NCOA2: variants seen among roughly 807,000 people sequenced by gnomAD.
NCOA2 encodes nuclear receptor coactivator 2.
In NCOA2, 21 loss-of-function variants were observed where a neutral mutation model predicts 145.1. The observed-to-expected ratio is 0.14, with a 90% CI of 0.10 to 0.21. The LOEUF is 0.21. Ranked by LOEUF, NCOA2 falls within the 10% of genes least tolerant of loss-of-function variation. The pLI is 1.00. For missense variants in NCOA2, 1,472 were observed against 1,837.6 expected (o/e 0.80, Z 3.64); for synonymous variants, 619 against 637.5 (o/e 0.97, Z 0.44).
intron 1 of NCOA2, among the ~76,000 whole-genome samples, chr8:70,374,483 A>G (rs545670033): frequency 1.3e-5 from 2 of 152,032 alleles, no homozygotes; most frequent in Admixed American, 6.5e-5. Context: ...AAAAAAAAAA[A>G]AAAGAAAAAA....
intron 4 of NCOA2, among the ~76,000 whole-genome samples, chr8:70,189,616 G>GT (rs1816464651): frequency 2.0e-5 from 3 of 152,122 alleles, no homozygotes; most frequent in Non-Finnish European, 4.4e-5. Flanking sequence ...ATTTTCATTT[G>GT]TAATTTTGTT....
At chr8:70,143,175 C>T (rs555613619) in intron 13 of NCOA2, among the ~76,000 whole-genome samples, 1 of 152,144 alleles carries the variant, frequency 6.6e-6, no homozygotes, top group Non-Finnish European at 1.5e-5. Context: ...GTCTCGAACT[C>T]CTGACCTTGT....
intron 10 of NCOA2, among the ~76,000 whole-genome samples, chr8:70,159,242 A>ATATATATATTTTTTT: frequency 9.8e-5 from 6 of 61,078 alleles, no homozygotes; most frequent in African/African-American, 2.2e-4. Flanking sequence ...ATATATATAT[A>ATATATATATTTTTTT]TTTTTTTTTT....
the NCOA2 span, among the ~76,000 whole-genome samples, chr8:70,417,403 G>A: frequency 6.6e-6 from 1 of 151,850 alleles, no homozygotes; most frequent in South Asian, 2.1e-4. Context: ...ACAAAAATTT[G>A]TCAGGCATGG....
chr8:70,239,832 G>T (rs568069840), intron 2 of NCOA2, among the ~76,000 whole-genome samples: 1 of 152,264 alleles, frequency 6.6e-6, no homozygotes, highest in South Asian at 2.1e-4. Flanking sequence ...AAGAAGAAAT[G>T]AATGAGCCAA....
At chr8:70,154,533 T>C (rs1236562078) in intron 11 of NCOA2, among the ~76,000 whole-genome samples, 2 of 152,130 alleles carry the variant, frequency 1.3e-5, no homozygotes, top group South Asian at 2.1e-4. Flanking sequence ...GCCTCCTGAG[T>C]AGCTGAGACT....
chr8:70,174,623 C>T, intron 5 of NCOA2, 133 bp downstream of exon 5: 1 of 764,340 alleles, frequency 1.3e-6, no homozygotes, highest in Non-Finnish European at 2.2e-6. Flanking sequence ...ACAGGCATAT[C>T]AGCAAGCTCA....
intron 4 of NCOA2, among the ~76,000 whole-genome samples, chr8:70,192,019 G>A (rs1816749166): frequency 6.6e-6 from 1 of 152,154 alleles, no homozygotes; most frequent in Non-Finnish European, 1.5e-5. Context: ...TCCAGCCTGG[G>A]CGAGAGAGTG....
chr8:70,151,025 T>G (rs1811681473), intron 11 of NCOA2, among the ~76,000 whole-genome samples: 1 of 152,180 alleles, frequency 6.6e-6, no homozygotes, highest in African/African-American at 2.4e-5. Context: ...TACTACAATG[T>G]TGTCCTGTGT....
intron 2 of NCOA2, among the ~76,000 whole-genome samples, chr8:70,294,269 A>G (rs1290895236): frequency 6.6e-6 from 1 of 152,170 alleles, no homozygotes; most frequent in East Asian, 1.9e-4. Flanking sequence ...AAGTAATTCT[A>G]TAGTCACTAT....
chr8:70,321,152 T>C (rs1806019384), intron 1 of NCOA2, among the ~76,000 whole-genome samples: 1 of 152,188 alleles, frequency 6.6e-6, no homozygotes, highest in Non-Finnish European at 1.5e-5. Flanking sequence ...TTCTATTGTT[T>C]TGCATTTTGA....
At chr8:70,266,556 T>C (rs1824612566) in intron 2 of NCOA2, among the ~76,000 whole-genome samples, 1 of 152,210 alleles carries the variant, frequency 6.6e-6, no homozygotes, top group Non-Finnish European at 1.5e-5. Flanking sequence ...AAGCCCTGCA[T>C]GGGCTTTGCT....
chr8:70,256,568 A>C (rs962160389), intron 2 of NCOA2, among the ~76,000 whole-genome samples: 25 of 152,234 alleles, frequency 1.6e-4, no homozygotes, highest in African/African-American at 5.3e-4. Context: ...CTGAAGAGAA[A>C]GAAAAAAGCA....
intron 1 of NCOA2, among the ~76,000 whole-genome samples, chr8:70,397,754 CATT>C (rs1164568516): frequency 6.6e-6 from 1 of 152,196 alleles, no homozygotes; most frequent in African/African-American, 2.4e-5. Flanking sequence ...TTCATACCTT[CATT>C]ACATGAAATC....
At chr8:70,218,408 A>G (rs1036885329) in intron 2 of NCOA2, among the ~76,000 whole-genome samples, 6 of 152,050 alleles carry the variant, frequency 3.9e-5, no homozygotes, top group African/African-American at 1.4e-4. Flanking sequence ...TTTTGGCCTG[A>G]TAATAAGTAT....
At chr8:70,401,885 C>A (rs1814286153) in intron 1 of NCOA2, 1 of 152,248 alleles carries the variant, frequency 6.6e-6, no homozygotes, top group Admixed American at 6.5e-5. Context: ...TGAGTTACTG[C>A]CACATCCTAA....
rs542006455 is a variant in NCOA2, at chr8:70,143,004, C to T, written c.2813-1605G>A. The stretch of plus-strand genomic sequence containing the variant: ...TCACTCTGTTGCCCAGGCTGGAGTG[C>T]AGTGGTATGATCTCGGCTCACTACA... On this transcript the variant is annotated intron_variant, in intron 13 of 22. Coordinates refer to ENST00000452400, the MANE Select transcript of NCOA2 (RefSeq NM_006540.4). Among the ~76,000 whole-genome samples the T allele has an allele frequency of 4.0e-5, 6 of 150,546 alleles. No individual in the cohort carries two copies. In the South Asian group the frequency reaches 1.3e-3, roughly 32 times the overall value.
rs747852487 is a variant in NCOA2 at position 70,141,315 on chromosome 8, G to T, written c.2897C>A (p.Ala966Asp). The T allele has an allele frequency of 6.2e-7, 1 of 1,613,906 alleles. No individual in the cohort carries two copies. The highest frequency in any genetic ancestry group is 1.7e-5 in the Admixed American group (1 of 60,014). ...CCGGTTCATGGCACTGGTGGTAGCAGCACAGGTGACTCTCACAGCCGAACT... is the reference window on the plus strand; with the variant it reads ...CCGGTTCATGGCACTGGTGGTAGCATCACAGGTGACTCTCACAGCCGAACT... ...PQSSAVRVTC[A>D]ATTSAMNRPV... is the part of the protein sequence containing the mutation. Residue 966 changes from alanine (A) to aspartate (D), a missense_variant, in exon 14 of 23, where the codon GCT (alanine) becomes GAT (aspartate). Transcript: ENST00000452400.
intron 2 of NCOA2, among the ~76,000 whole-genome samples, chr8:70,261,152 CAT>C (rs1824088213): frequency 6.6e-6 from 1 of 152,170 alleles, no homozygotes; most frequent in African/African-American, 2.4e-5. Flanking sequence ...CACATGTACA[CAT>C]ATGTTTATTG....
Sources: allele counts gnomAD v4.1 joint callset (sites outside exome capture counted in the v4.1 genomes callset), GRCh38; gene constraint gnomAD v4.1.1; transcripts MANE v1.5; gene names NCBI Gene and HGNC (gene_info 2026-07-23, HGNC 2026-07-21).